The following EYS variants were observed in gnomAD, a reference collection of about 807,000 sequenced individuals.
The protein encoded by EYS is protein eyes shut homolog.
EYS carries 250 observed loss-of-function variants against 282.1 expected under a neutral mutation model. That is an observed-to-expected ratio of 0.89 (90% CI 0.80 to 0.98). The LOEUF is 0.98. Ranked by LOEUF, EYS falls within the 50% of genes least tolerant of loss-of-function variation. EYS has a pLI of 0.00. For missense variants in EYS, 4,016 were observed against 3,709.0 expected (o/e 1.08, Z -2.15); for synonymous variants, 1,355 against 1,282.9 (o/e 1.06, Z -1.20).
intron 31 of EYS, among the ~76,000 whole-genome samples, chr6:64,194,140 G>T (rs1217740083): frequency 1.3e-5 from 2 of 151,914 alleles, no homozygotes; most frequent in Non-Finnish European, 2.9e-5. Context: ...CAAAGTGCTG[G>T]GATTACAGAC....
chr6:64,896,859 G>GGA (rs1303867554), intron 18 of EYS, among the ~76,000 whole-genome samples: 1 of 152,036 alleles, frequency 6.6e-6, no homozygotes, highest in Non-Finnish European at 1.5e-5. Flanking sequence ...TGGAGGGGGG[G>GGA]GCCACCACAG....
At chr6:65,588,156 T>G (rs565563836) in intron 2 of EYS, among the ~76,000 whole-genome samples, 2 of 152,226 alleles carry the variant, frequency 1.3e-5, no homozygotes, top group African/African-American at 2.4e-5. Flanking sequence ...TGAAATTTCC[T>G]GCTGTGTATC....
rs185425831 is a variant in EYS, at chr6:64,301,315, T to C, written c.6191+5655A>G. 4.6e-3 allele frequency among the ~76,000 whole-genome samples: 700 copies of C among 152,306 alleles called. 2 individuals carry two copies. Among genetic ancestry groups the C allele is most frequent in the Middle Eastern group, 0.014 (4 of 294 alleles). Reference sequence around the variant, plus strand: ...CTTAAAGGGCAATTGAGCCCTGGATTCTCCCAGGTATTTAACTCCTGTGGC... The same window carrying C: ...CTTAAAGGGCAATTGAGCCCTGGATCCTCCCAGGTATTTAACTCCTGTGGC... On this transcript the variant is annotated intron_variant, in intron 30 of 42. Transcript: ENST00000503581.
At chr6:64,444,294 T>C (rs1775050057) in intron 26 of EYS, among the ~76,000 whole-genome samples, 1 of 152,184 alleles carries the variant, frequency 6.6e-6, no homozygotes, top group Non-Finnish European at 1.5e-5. Flanking sequence ...ATGGTTGGTA[T>C]CATTGCTTGT....
intron 22 of EYS, among the ~76,000 whole-genome samples, chr6:64,781,046 G>A (rs773370402): frequency 6.6e-6 from 1 of 152,076 alleles, no homozygotes; most frequent in Non-Finnish European, 1.5e-5. Flanking sequence ...TAGGACAGAG[G>A]TGGTACTCAA....
intron 19 of EYS, among the ~76,000 whole-genome samples, chr6:64,845,763 T>A (rs1307415652): frequency 6.6e-6 from 1 of 152,132 alleles, no homozygotes; most frequent in Non-Finnish European, 1.5e-5. Context: ...TTCTCCATCA[T>A]TCCTTCTAAC....
At chr6:65,232,190 T>C (rs1209348031) in intron 12 of EYS, among the ~76,000 whole-genome samples, 1 of 152,036 alleles carries the variant, frequency 6.6e-6, no homozygotes, top group Non-Finnish European at 1.5e-5. Flanking sequence ...TTTATGTCTC[T>C]GTATTTGTGC....
At chr6:65,099,088 A>C (rs1774819344) in intron 12 of EYS, among the ~76,000 whole-genome samples, 1 of 150,756 alleles carries the variant, frequency 6.6e-6, no homozygotes, top group African/African-American at 2.4e-5. Context: ...AAGAATATAT[A>C]TCTATATATA....
Position 64,065,213 on chromosome 6 carries a change from C to A in EYS, c.6725+1125G>T, listed in dbSNP as rs147756014. Among the ~76,000 whole-genome samples the A allele has an allele frequency of 1.1e-3, 169 of 152,232 alleles. 1 individual carries two copies. The highest frequency in any genetic ancestry group is 6.8e-3 in the Middle Eastern group (2 of 294). The stretch of plus-strand genomic sequence containing the variant: ...GTGTCCATTTTGTTGATGTGATTTT[C>A]AGACTGATGCAGTTTCAGAGAAAGT... On this transcript the variant is annotated intron_variant, in intron 33 of 42. Coordinates refer to ENST00000503581, the MANE Select transcript of EYS (RefSeq NM_001142800.2).
intron 31 of EYS, among the ~76,000 whole-genome samples, chr6:64,094,057 T>C (rs1772482665): frequency 6.6e-6 from 1 of 152,306 alleles, no homozygotes; most frequent in Middle Eastern, 3.4e-3. Context: ...TGGATTACAT[T>C]TATTGATTTG....
chr6:64,624,921 G>A lies in EYS; in HGVS notation c.3568+1200C>T, dbSNP rs144219340. Among the ~76,000 whole-genome samples, 271 of 152,184 alleles carry A rather than the reference G, an allele frequency of 1.8e-3. 2 individuals are homozygous for A. Among genetic ancestry groups the A allele is most frequent in the African/African-American group, 6.4e-3 (266 of 41,514 alleles). On this transcript the variant is annotated intron_variant, in intron 23 of 42. Transcript: ENST00000503581. Reference sequence around the variant, plus strand: ...GCTATGTTTCCCAAGCTGGAGTTCAGTGGCTATCCACAGATACAATCAAAG... The same window carrying A: ...GCTATGTTTCCCAAGCTGGAGTTCAATGGCTATCCACAGATACAATCAAAG...
intron 12 of EYS, among the ~76,000 whole-genome samples, chr6:65,274,655 T>C (rs796439993): frequency 4.6e-5 from 7 of 152,270 alleles, no homozygotes; most frequent in African/African-American, 1.4e-4. Context: ...TTTATTACCT[T>C]TACTTTCTAT....
At chr6:64,365,890 C>T (rs583481) in intron 29 of EYS, among the ~76,000 whole-genome samples, 114,460 of 151,818 alleles carry the variant, frequency 0.75, 43,760 homozygotes, top group African/African-American at 0.89. Context: ...TTTGAAACTG[C>T]AGAAAAGGAA....
intron 18 of EYS, among the ~76,000 whole-genome samples, chr6:64,893,738 T>C (rs981208944): frequency 6.6e-6 from 1 of 152,004 alleles, no homozygotes; most frequent in Non-Finnish European, 1.5e-5. Context: ...CATCTTAGTA[T>C]TGTTTCATGT....
chr6:64,932,619 C>T (rs909813511), intron 15 of EYS, among the ~76,000 whole-genome samples: 1 of 151,840 alleles, frequency 6.6e-6, no homozygotes, highest in Non-Finnish European at 1.5e-5. Context: ...ATATAAACAG[C>T]CCTAATCTCT....
chr6:65,213,187 G>A (rs1766217201), intron 12 of EYS, among the ~76,000 whole-genome samples: 1 of 152,150 alleles, frequency 6.6e-6, no homozygotes, highest in Non-Finnish European at 1.5e-5. Context: ...ATTTTGAGAT[G>A]GAGAGGGTGC....
chr6:65,686,176 T>C (rs1582601837), intron 1 of EYS, among the ~76,000 whole-genome samples: 2 of 152,068 alleles, frequency 1.3e-5, no homozygotes, highest in African/African-American at 2.4e-5. Context: ...CTACTTAAGA[T>C]AACCTGAAGG....
At chr6:64,372,052 G>C (rs922672225) in intron 29 of EYS, among the ~76,000 whole-genome samples, 46 of 148,936 alleles carry the variant, frequency 3.1e-4, no homozygotes, top group African/African-American at 1.1e-3. Context: ...ATTTGATCTT[G>C]TCATCATGTT....
At chr6:65,518,750 C>CA (rs1767235152) in intron 2 of EYS, among the ~76,000 whole-genome samples, 2 of 152,110 alleles carry the variant, frequency 1.3e-5, no homozygotes, top group African/African-American at 2.4e-5. Context: ...TTAATGGACT[C>CA]ACAGTTCTGC....
Sources: gnomAD v4.1 joint callset for allele counts (sites outside exome capture counted in the v4.1 genomes callset) on GRCh38, gnomAD v4.1.1 for gene constraint, MANE v1.5 for transcripts, NCBI Gene and HGNC (gene_info 2026-07-23, HGNC 2026-07-21) for gene names.